Variants in CDH20 observed in about 807,000 individuals in gnomAD.
CDH20 encodes cadherin-20.
Under a neutral mutation model 74.2 loss-of-function variants are expected in CDH20, and 29 were observed. The observed-to-expected ratio is 0.39, with a 90% confidence interval of 0.29 to 0.53. The LOEUF (loss-of-function observed/expected upper bound fraction) is 0.53. Ranked by LOEUF, CDH20 falls within the 20% of genes least tolerant of loss-of-function variation. CDH20 has a pLI of 0.69. For synonymous variants in CDH20, 469 were observed against 405.4 expected, an observed-to-expected ratio of 1.16 and a Z score of -1.88; for missense variants, 988 against 1,048.3, an observed-to-expected ratio of 0.94 and a Z score of 0.79.
chr18:61,366,141 G>T (rs1022714158), intron 1 of CDH20, among the ~76,000 whole-genome samples: 1 of 151,860 alleles, frequency 6.6e-6, no homozygotes, highest in African/African-American at 2.4e-5. Context: ...AATTTCATTT[G>T]GTTCTAAAAC....
intron 3 of CDH20, 131 bp from the exon 4 acceptor site, chr18:61,500,252 G>A: frequency 1.2e-6 from 1 of 853,800 alleles, no homozygotes; most frequent in Non-Finnish European, 1.8e-6. Flanking sequence ...AGTTATGGAA[G>A]CTTGACCTAG....
intron 1 of CDH20, among the ~76,000 whole-genome samples, chr18:61,382,089 T>TG (rs1305514164): frequency 6.6e-6 from 1 of 152,206 alleles, no homozygotes; most frequent in African/African-American, 2.4e-5. Flanking sequence ...ACTGAAACGA[T>TG]GCCTTGCTGA....
Position 61,500,522 on chromosome 18 carries a change from A to T in CDH20, c.661+20A>T. On this transcript the variant is annotated intron_variant, in intron 4 of 11. Coordinates refer to ENST00000262717, the MANE Select transcript of CDH20 (RefSeq NM_031891.4). ...AAACAGGTATCTGATACAAGGGTCG[A>T]GTCAGAGGTGTTTATTCCCTGATAA... 6 of 1,596,444 alleles carry T rather than the reference A, an allele frequency of 3.8e-6. No individual in the cohort carries two copies. Among genetic ancestry groups the T allele is most frequent in the African/African-American group, 1.3e-5 (1 of 74,582 alleles).
rs1913590550 is a variant in CDH20 at position 61,555,203 on chromosome 18, C to T, written c.*508C>T. 2 of 968,622 alleles carry T rather than the reference C, an allele frequency of 2.1e-6. No individual in the cohort carries two copies. The highest frequency in any genetic ancestry group is 2.4e-6 in the Non-Finnish European group (2 of 828,168). 60.0% of individuals were successfully genotyped at this position (968,622 alleles called of 1,614,324 possible). ...CTTGTTACTCAGTGAAATTAACCTA[C>T]TTGTTCTGGGATGGATGGAATTTCC... On this transcript the variant is annotated 3_prime_UTR_variant, in exon 12 of 12. Coordinates refer to ENST00000262717, the MANE Select transcript of CDH20 (RefSeq NM_031891.4).
In CDH20 at chr18:61,554,364, G is replaced by A; in HGVS notation, c.2075G>A (p.Gly692Glu). 3.1e-6 allele frequency: 5 copies of A among 1,613,040 alleles called. No homozygotes were observed. The highest frequency in any genetic ancestry group is 4.2e-6 in the Non-Finnish European group (5 of 1,179,726). The change falls in exon 12 of 12, where the codon GGG becomes GAG. Residue 692 changes from glycine to glutamate, a missense_variant. By Grantham distance (98) the Gly-to-Glu change is moderately conservative. Coordinates refer to ENST00000262717, the MANE Select transcript of CDH20 (RefSeq NM_031891.4). Reference sequence around the variant, plus strand: ...TGGAACCCCCGGGAGGCGCAGGCGGGGGCCGCCCCCAAGACGCGGCAGGAC... The same window carrying A: ...TGGAACCCCCGGGAGGCGCAGGCGGAGGCCGCCCCCAAGACGCGGCAGGAC... ...AMWNPREAQA[G>E]AAPKTRQDML... is the part of the protein sequence containing the mutation.
At chr18:61,538,907 C>T in intron 8 of CDH20, 117 bp from the exon 9 acceptor site, 3 of 1,127,050 alleles carry the variant, frequency 2.7e-6, no homozygotes, top group Non-Finnish European at 3.9e-6. Flanking sequence ...GCTGGGATTA[C>T]AGGCGTGAGC....
intron 1 of CDH20, among the ~76,000 whole-genome samples, chr18:61,378,664 G>A (rs1375064020): frequency 1.3e-5 from 2 of 152,196 alleles, no homozygotes; most frequent in African/African-American, 4.8e-5. Flanking sequence ...GCCCAGTCAA[G>A]TTGACGTAAA....
chr18:61,363,773 C>T (rs528530002), intron 1 of CDH20, among the ~76,000 whole-genome samples: 6 of 152,218 alleles, frequency 3.9e-5, no homozygotes, highest in African/African-American at 4.8e-5. Context: ...TTCATCCCAC[C>T]GGATGGTAGT....
intron 8 of CDH20, among the ~76,000 whole-genome samples, chr18:61,538,605 T>TTTG (rs1568182121): frequency 5.0e-5 from 2 of 40,232 alleles, no homozygotes; most frequent in Admixed American, 3.4e-4. Flanking sequence ...TGTTTTTGTT[T>TTTG]TTGTTTTTGT....
chr18:61,353,873 G>A lies in CDH20; in HGVS notation c.-153+20046G>A, dbSNP rs1910397971. On this transcript the variant is annotated intron_variant, in intron 1 of 11. Coordinates refer to ENST00000262717, the MANE Select transcript of CDH20 (RefSeq NM_031891.4). The surrounding 1 kb of genome is among the most constrained non-coding windows in gnomAD (Gnocchi z 4.6). ...GGGGCGGTTGGATTGCCTGAACTCT[G>A]TAGTTCATAACCAGCCTGGGCAACA... Among the ~76,000 whole-genome samples, 2 of 152,038 alleles carry A rather than the reference G, an allele frequency of 1.3e-5. No homozygotes were observed. The highest frequency in any genetic ancestry group is 2.1e-4 in the South Asian group (1 of 4,810).
intron 1 of CDH20, among the ~76,000 whole-genome samples, chr18:61,420,088 T>C (rs971666974): frequency 6.6e-6 from 1 of 152,232 alleles, no homozygotes; most frequent in Non-Finnish European, 1.5e-5. Context: ...TGATTTGTAT[T>C]GAGTTTGCAA....
chr18:61,500,102 T>TAAAAAAAAA (rs534695760), intron 3 of CDH20, among the ~76,000 whole-genome samples: 9 of 56,572 alleles, frequency 1.6e-4, no homozygotes, highest in Non-Finnish European at 2.2e-4. Flanking sequence ...GACTCCATCT[T>TAAAAAAAAA]AAAAAAAAAA....
In CDH20 at chr18:61,502,233, C is replaced by T. The variant is rs185126007; in HGVS notation, c.662-720C>T. On this transcript the variant is annotated intron_variant, in intron 4 of 11. Coordinates refer to ENST00000262717, the MANE Select transcript of CDH20 (RefSeq NM_031891.4). Reference sequence around the variant, plus strand: ...TTGGCAGGATCACAACACATTTCAACGGATTTGGTGTAGGCCTCTCTTCTT... The same window carrying T: ...TTGGCAGGATCACAACACATTTCAATGGATTTGGTGTAGGCCTCTCTTCTT... Among the ~76,000 whole-genome samples the T allele has an allele frequency of 9.9e-4, 150 of 152,194 alleles. 1 individual carries two copies. The highest frequency in any genetic ancestry group is 1.7e-3 in the Admixed American group (26 of 15,290).
At chr18:61,513,667 C>T (rs1397446482) in intron 6 of CDH20, among the ~76,000 whole-genome samples, 1 of 152,166 alleles carries the variant, frequency 6.6e-6, no homozygotes, top group Non-Finnish European at 1.5e-5. Flanking sequence ...TTAGCGCTTC[C>T]TTCAGGAGCT....
intron 2 of CDH20, among the ~76,000 whole-genome samples, chr18:61,495,600 C>A (rs1233481390): frequency 6.6e-6 from 1 of 152,156 alleles, no homozygotes; most frequent in Non-Finnish European, 1.5e-5. Context: ...GGCACCTCCT[C>A]GAAGCTCCTG....
intron 1 of CDH20, among the ~76,000 whole-genome samples, chr18:61,363,324 G>C (rs187529963): frequency 6.6e-6 from 1 of 151,928 alleles, no homozygotes; most frequent in South Asian, 2.1e-4. Context: ...TTATTGAGCT[G>C]TGTACTTTTT....
intron 1 of CDH20, among the ~76,000 whole-genome samples, chr18:61,418,860 C>T (rs1912785609): frequency 6.6e-6 from 1 of 152,106 alleles, no homozygotes; most frequent in Non-Finnish European, 1.5e-5. Flanking sequence ...AGATATTTAT[C>T]TCTTTATGCA....
chr18:61,451,523 T>C (rs1909386967), intron 1 of CDH20, among the ~76,000 whole-genome samples: 1 of 152,042 alleles, frequency 6.6e-6, no homozygotes, highest in Non-Finnish European at 1.5e-5. Flanking sequence ...GGTGGAAGTA[T>C]TTATACTATG....
intron 1 of CDH20, among the ~76,000 whole-genome samples, chr18:61,352,156 A>T (rs1263255057): frequency 6.6e-6 from 1 of 152,236 alleles, no homozygotes; most frequent in African/African-American, 2.4e-5. Flanking sequence ...TTAATAAACC[A>T]TAATGAACTG....
Sources: gnomAD v4.1 joint callset for allele counts (sites outside exome capture counted in the v4.1 genomes callset) on GRCh38, gnomAD v4.1.1 for gene constraint, Gnocchi (gnomAD v3.1) non-coding constraint, MANE v1.5 for transcripts, NCBI Gene and HGNC (gene_info 2026-07-23, HGNC 2026-07-21) for gene names.